The following SUV39H2 variants were observed in gnomAD, a reference collection of about 807,000 sequenced individuals.
SUV39H2 encodes SUV39H2 histone lysine methyltransferase.
Under a neutral mutation model 47.5 loss-of-function variants are expected in SUV39H2, and 10 were observed. That is an observed-to-expected ratio of 0.21 (90% confidence interval 0.13 to 0.36). SUV39H2 has a LOEUF of 0.36. Ranked by LOEUF, SUV39H2 falls within the 10% of genes least tolerant of loss-of-function variation. SUV39H2 has a pLI of 1.00. For missense variants in SUV39H2, 266 were observed against 487.4 expected (o/e 0.55, Z 4.28); for synonymous variants, 159 against 166.8 (o/e 0.95, Z 0.36).
chr10:14,879,239 C>T (rs1832966960), intron 1 of SUV39H2: 1 of 599,096 alleles, frequency 1.7e-6, no homozygotes, highest in Non-Finnish European at 2.3e-6. Context: ...GAGGCCGCTC[C>T]CCGGCAGTCC....
At chr10:14,891,304 A>G (rs1833381698) in intron 2 of SUV39H2, among the ~76,000 whole-genome samples, 1 of 152,220 alleles carries the variant, frequency 6.6e-6, no homozygotes, top group Non-Finnish European at 1.5e-5. Context: ...GAATGGGGCC[A>G]TGATGGAAGA....
intron 4 of SUV39H2, 51 bp from the exon 5 acceptor site, chr10:14,901,082 G>T: frequency 6.3e-7 from 1 of 1,590,108 alleles, no homozygotes; most frequent in Non-Finnish European, 8.6e-7. Context: ...GCATGTAGAA[G>T]GGCTTGTTTA....
intron 2 of SUV39H2, among the ~76,000 whole-genome samples, chr10:14,881,946 C>A (rs143573764): frequency 6.6e-6 from 1 of 152,144 alleles, no homozygotes; most frequent in Non-Finnish European, 1.5e-5. Flanking sequence ...TCGTTTTGTT[C>A]GTGGATCGTA....
intron 2 of SUV39H2, among the ~76,000 whole-genome samples, chr10:14,895,916 TTTTTTTTTTTGC>T (rs1346958388): frequency 2.0e-5 from 3 of 149,822 alleles, no homozygotes; most frequent in Non-Finnish European, 3.0e-5. Flanking sequence ...CAGTGTGGGT[TTTTTTTTTTTGC>T]TTTTTTTTTT....
intron 2 of SUV39H2, among the ~76,000 whole-genome samples, chr10:14,889,819 G>A (rs1833330223): frequency 6.6e-6 from 1 of 152,192 alleles, no homozygotes; most frequent in Non-Finnish European, 1.5e-5. Flanking sequence ...AACTTAAAGG[G>A]TGTTAATTGT....
intron 1 of SUV39H2, among the ~76,000 whole-genome samples, chr10:14,881,070 T>A (rs1564333147): frequency 6.6e-6 from 1 of 152,208 alleles, no homozygotes. Flanking sequence ...TAAGATTGTT[T>A]TAAAGTATAT....
At chr10:14,893,292 C>T (rs1455122700) in intron 2 of SUV39H2, among the ~76,000 whole-genome samples, 1 of 152,046 alleles carries the variant, frequency 6.6e-6, no homozygotes, top group African/African-American at 2.4e-5. Context: ...CGTGAGCCAC[C>T]GCGCCCGGCC....
chr10:14,893,035 C>T lies in SUV39H2; in HGVS notation c.178-3811C>T, dbSNP rs550162084. Among the ~76,000 whole-genome samples the T allele has an allele frequency of 1.5e-4, 20 of 135,376 alleles. No homozygotes were observed. In the East Asian group the frequency reaches 4.3e-3, roughly 29 times the overall value. The allele number at this position is 135,376 out of a possible 152,430, so 88.8% of individuals were successfully genotyped here. ...TTTTTTTTTTTTTGAGACGGAGTCT[C>T]GCTGTCGCCCAGGCTGGAGTGCAGT... On this transcript the variant is annotated intron_variant, in intron 2 of 5. Coordinates refer to ENST00000354919, the MANE Select transcript of SUV39H2 (RefSeq NM_001193424.2).
chr10:14,900,149 A>T (rs1333031273), intron 4 of SUV39H2, among the ~76,000 whole-genome samples: 2 of 152,182 alleles, frequency 1.3e-5, no homozygotes, highest in African/African-American at 2.4e-5. Context: ...GTATTTATGT[A>T]GGGCTATTTT....
chr10:14,899,150 C>T, intron 3 of SUV39H2: 1 of 693,210 alleles, frequency 1.4e-6, no homozygotes, highest in Non-Finnish European at 2.6e-6. Context: ...TGAGACCCCA[C>T]ATCTCTATAA....
At chr10:14,886,395 T>G (rs1833209052) in intron 2 of SUV39H2, among the ~76,000 whole-genome samples, 1 of 152,216 alleles carries the variant, frequency 6.6e-6, no homozygotes, top group Non-Finnish European at 1.5e-5. Context: ...TTGCCATTAC[T>G]CTAGAACTTG....
chr10:14,890,251 G>T (rs1402123929), intron 2 of SUV39H2, among the ~76,000 whole-genome samples: 1 of 152,152 alleles, frequency 6.6e-6, no homozygotes, highest in Non-Finnish European at 1.5e-5. Flanking sequence ...ATGTCATGTG[G>T]CTCACTTTTT....
chr10:14,902,141 CTAA>C (rs1307477596), intron 5 of SUV39H2, among the ~76,000 whole-genome samples: 2 of 152,094 alleles, frequency 1.3e-5, no homozygotes, highest in Non-Finnish European at 2.9e-5. Context: ...CAAATATGGG[CTAA>C]TAACATAAAG....
At chr10:14,879,164 G>C (rs547505241) in intron 1 of SUV39H2, 3 of 1,196,006 alleles carry the variant, frequency 2.5e-6, no homozygotes, top group African/African-American at 1.6e-5. Flanking sequence ...TTCGGAAGTG[G>C]AGCGTGGCCT....
chr10:14,881,782 C>T (rs1289734229), intron 2 of SUV39H2, 137 bp downstream of exon 2: 2 of 769,812 alleles, frequency 2.6e-6, no homozygotes, highest in South Asian at 3.5e-5. Context: ...TTTATATGTC[C>T]TATCATCTGT....
chr10:14,880,351 AG>A (rs1422756498), intron 1 of SUV39H2, among the ~76,000 whole-genome samples: 1 of 152,220 alleles, frequency 6.6e-6, no homozygotes, highest in Non-Finnish European at 1.5e-5. Context: ...GCCACTAACA[AG>A]TGTTCTCCCT....
intron 4 of SUV39H2, among the ~76,000 whole-genome samples, chr10:14,900,434 T>A (rs772972165): frequency 2.0e-5 from 3 of 152,214 alleles, no homozygotes; most frequent in African/African-American, 4.8e-5. Context: ...AAACTTCTGA[T>A]GGATTTCATA....
At chr10:14,889,264 A>AT (rs545380478) in intron 2 of SUV39H2, among the ~76,000 whole-genome samples, 79 of 151,734 alleles carry the variant, frequency 5.2e-4, no homozygotes, top group East Asian at 2.5e-3. Flanking sequence ...TGTGATAGTA[A>AT]TTTTTTTTTA....
rs1834120763 is a variant in SUV39H2 at position 14,902,927 on chromosome 10, C to G, written c.*415C>G. 2.6e-5 allele frequency: 4 copies of G among 153,772 alleles called. No individual in the cohort carries two copies. The highest frequency in any genetic ancestry group is 5.8e-5 in the Non-Finnish European group (4 of 69,038). 9.5% of individuals were successfully genotyped at this position (153,772 alleles called of 1,614,324 possible). ...AGTTAATTTGGGCAAATCTACAGTTCTGTTTTTGCTACTCTATTGTCATTC... is the reference window on the plus strand; with the variant it reads ...AGTTAATTTGGGCAAATCTACAGTTGTGTTTTTGCTACTCTATTGTCATTC... On this transcript the variant is annotated 3_prime_UTR_variant, in exon 6 of 6. Transcript: ENST00000354919.
Sources: allele counts gnomAD v4.1 joint callset (sites outside exome capture counted in the v4.1 genomes callset), GRCh38; gene constraint gnomAD v4.1.1; transcripts MANE v1.5; gene names NCBI Gene and HGNC (gene_info 2026-07-23, HGNC 2026-07-21).